The following ZNF565 variants were observed in gnomAD, a reference collection of about 807,000 sequenced individuals.
ZNF565 encodes zinc finger protein 565.
A neutral mutation model predicts 39.4 loss-of-function variants in ZNF565; 27 were observed. That is an observed-to-expected ratio of 0.69 (90% CI 0.51 to 0.95). The LOEUF is 0.95. Among genes scored for constraint, ZNF565 ranks in the 40% least tolerant of loss-of-function variants. The probability of loss-of-function intolerance (pLI) is 0.00; values close to 1 mark genes in which losing one functional copy is unlikely to be tolerated. For missense variants in ZNF565, 524 were observed against 621.1 expected (o/e 0.84, Z 1.66); for synonymous variants, 185 against 216.6 (o/e 0.85, Z 1.28).
intron 1 of ZNF565, among the ~76,000 whole-genome samples, chr19:36,219,976 A>G (rs1474014488): frequency 6.6e-6 from 1 of 152,126 alleles, no homozygotes; most frequent in South Asian, 2.1e-4. Flanking sequence ...AAAGTTGTGT[A>G]TATTTAGCGT....
intron 1 of ZNF565, among the ~76,000 whole-genome samples, chr19:36,227,877 A>G (rs539918877): frequency 6.6e-6 from 1 of 152,326 alleles, no homozygotes; most frequent in South Asian, 2.1e-4. Flanking sequence ...AATATGAAAT[A>G]GGACACGGCA....
At chr19:36,236,929 A>G (rs772098307) in intron 1 of ZNF565, 2 of 1,614,192 alleles carry the variant, frequency 1.2e-6, no homozygotes, top group Admixed American at 1.7e-5. Flanking sequence ...AATGTGGAAC[A>G]GCCTTTGGCC....
At chr19:36,199,898 C>T (rs776642173) in intron 2 of ZNF565, among the ~76,000 whole-genome samples, 2 of 151,996 alleles carry the variant, frequency 1.3e-5, no homozygotes. Context: ...TGGTCTCAAG[C>T]GATCCTCCTA....
chr19:36,213,432 C>G (rs1976444845), intron 1 of ZNF565: 1 of 152,540 alleles, frequency 6.6e-6, no homozygotes, highest in Non-Finnish European at 1.5e-5. Flanking sequence ...GTCCCCCAGG[C>G]TGGAGTGCGA....
At chr19:36,205,709 C>T (rs960012876) in intron 1 of ZNF565, among the ~76,000 whole-genome samples, 15 of 143,572 alleles carry the variant, frequency 1.0e-4, no homozygotes, top group African/African-American at 4.4e-4. Context: ...GGTGGGTTGC[C>T]CCTACACTTT....
intron 4 of ZNF565, among the ~76,000 whole-genome samples, chr19:36,192,177 C>T (rs1317621853): frequency 1.3e-5 from 2 of 151,814 alleles, no homozygotes; most frequent in Non-Finnish European, 2.9e-5. Flanking sequence ...TCAGTAGAGA[C>T]GGGGTTTCAC....
chr19:36,245,142 G>A lies in ZNF565; in HGVS notation c.55+334C>T, dbSNP rs974448509. Among the ~76,000 whole-genome samples, 6 of 152,336 alleles carry A rather than the reference G, an allele frequency of 3.9e-5. No homozygotes were observed. Among genetic ancestry groups the A allele is most frequent in the African/African-American group, 4.8e-5 (2 of 41,582 alleles). ...ACCCGGCGAGCCTCGCTGCCCTTGC[G>A]AGAGCCATGGATTCGCATTTGCGCA... On this transcript the variant is annotated intron_variant, in intron 1 of 4. Coordinates refer to the ZNF565 transcript ENST00000355114. The surrounding 1 kb of genome is among the most constrained non-coding windows in gnomAD (Gnocchi z 4.4).
chr19:36,194,809 C>T, intron 3 of ZNF565: 2 of 663,400 alleles, frequency 3.0e-6, no homozygotes, highest in South Asian at 1.7e-5. Context: ...AGAGAGAGCA[C>T]CAGGCATTTC....
At chr19:36,189,618 G>A (rs549302382) in intron 4 of ZNF565, among the ~76,000 whole-genome samples, 14 of 151,898 alleles carry the variant, frequency 9.2e-5, no homozygotes, top group African/African-American at 1.7e-4. Context: ...CACTGTACCC[G>A]GCCCCTTATG....
chr19:36,204,124 A>G (rs1198553999), intron 1 of ZNF565, among the ~76,000 whole-genome samples: 2 of 150,940 alleles, frequency 1.3e-5, no homozygotes, highest in Non-Finnish European at 2.9e-5. Context: ...TAATTTTTGC[A>G]TTTTTGGTAC....
intron 1 of ZNF565, among the ~76,000 whole-genome samples, chr19:36,221,222 G>A (rs1016542894): frequency 2.0e-5 from 3 of 151,006 alleles, no homozygotes; most frequent in East Asian, 3.9e-4. Context: ...TTTTTCTGAG[G>A]AATTATGTTA....
chr19:36,190,366 C>T (rs1018718454), intron 4 of ZNF565, among the ~76,000 whole-genome samples: 1 of 150,034 alleles, frequency 6.7e-6, no homozygotes, highest in African/African-American at 2.4e-5. Context: ...CACCTGAGGT[C>T]GGGAGTTTGA....
intron 4 of ZNF565, among the ~76,000 whole-genome samples, chr19:36,189,480 A>G (rs1218080184): frequency 6.7e-6 from 1 of 150,062 alleles, no homozygotes; most frequent in East Asian, 2.0e-4. Context: ...ATGCCCGGCT[A>G]ATTTTTTTTT....
Position 36,244,849 on chromosome 19 carries a change from T to TAAAAAA in ZNF565, c.55+621_55+626dup, listed in dbSNP as rs775546485. Among the ~76,000 whole-genome samples, 3 of 129,224 alleles carry TAAAAAA rather than the reference T, an allele frequency of 2.3e-5. 1 individual carries two copies. The highest frequency in any genetic ancestry group is 4.9e-5 in the Non-Finnish European group (3 of 61,578). 84.8% of individuals were successfully genotyped at this position (129,224 alleles called of 152,430 possible). A position where few individuals can be genotyped will look rare whatever the true frequency, so the allele number is the denominator to read the frequency against. ...CTGGCGACAGAGCAAGACTACGTCT[T>TAAAAAA]AAAAAAAAAAAAAAAAAAGGAATTG... On this transcript the variant is annotated intron_variant, in intron 1 of 4. Coordinates refer to the ZNF565 transcript ENST00000355114.
intron 1 of ZNF565, among the ~76,000 whole-genome samples, chr19:36,243,314 G>T (rs780611702): frequency 2.0e-5 from 3 of 152,200 alleles, no homozygotes; most frequent in African/African-American, 7.2e-5. Flanking sequence ...GATTACAAGC[G>T]TGAGCCACTG....
chr19:36,206,952 C>T (rs1976178626), intron 1 of ZNF565, among the ~76,000 whole-genome samples: 1 of 152,124 alleles, frequency 6.6e-6, no homozygotes, highest in Non-Finnish European at 1.5e-5. Flanking sequence ...GAGAAGGTGA[C>T]AGGTAAGCAC....
intron 1 of ZNF565, among the ~76,000 whole-genome samples, chr19:36,234,357 G>A (rs1016333250): frequency 4.8e-5 from 7 of 145,746 alleles, no homozygotes; most frequent in South Asian, 4.3e-4. Context: ...GAGCAAGACT[G>A]TCTCAAAAAA....
chr19:36,245,498 G>A lies in ZNF565; in HGVS notation c.33C>T (p.Leu11=), dbSNP rs1242194594. The change falls in exon 1 of 5, where the codon CTC becomes CTT. Residue 11 remains leucine, a synonymous_variant. Transcript: ENST00000355114. The surrounding 1 kb of genome is among the most constrained non-coding windows in gnomAD (Gnocchi z 4.4). ...TACCTGCGTCCAGGCGGTGACTTGC[G>A]AGGGACCACCTTTCCCAGGGTCCAC... The A allele has an allele frequency of 1.4e-6, 1 of 702,208 alleles. No individual in the cohort carries two copies. Among genetic ancestry groups the A allele is most frequent in the Non-Finnish European group, 2.6e-6 (1 of 384,782 alleles). The allele number at this position is 702,208 out of a possible 1,614,324, so 43.5% of individuals were successfully genotyped here. A position where few individuals can be genotyped will look rare whatever the true frequency, so the allele number is the denominator to read the frequency against.
chr19:36,189,323 T>C (rs2145308498), intron 4 of ZNF565, among the ~76,000 whole-genome samples: 1 of 151,762 alleles, frequency 6.6e-6, no homozygotes, highest in South Asian at 2.1e-4. Context: ...TGTAATTTTT[T>C]TTTTTTTTGA....
Sources: allele counts gnomAD v4.1 joint callset (sites outside exome capture counted in the v4.1 genomes callset), GRCh38; gene constraint gnomAD v4.1.1; non-coding constraint Gnocchi (gnomAD v3.1); transcripts MANE v1.5; gene names NCBI Gene and HGNC (gene_info 2026-07-23, HGNC 2026-07-21).